Variants in HSD17B4 observed in about 807,000 individuals in gnomAD.
HSD17B4 encodes peroxisomal multifunctional enzyme type 2.
A neutral mutation model predicts 101.0 loss-of-function variants in HSD17B4; 70 were observed. The observed-to-expected ratio is 0.69, with a 90% CI of 0.57 to 0.85. The LOEUF (loss-of-function observed/expected upper bound fraction) is 0.85. HSD17B4 is among the 40% of genes least tolerant of loss of function. The pLI is 0.00. For missense variants in HSD17B4, 984 were observed against 892.4 expected (o/e 1.10, Z -1.31); for synonymous variants, 347 against 297.1 (o/e 1.17, Z -1.73).
At chr5:119,490,349 A>G (rs1749991369) in intron 9 of HSD17B4, among the ~76,000 whole-genome samples, 1 of 152,158 alleles carries the variant, frequency 6.6e-6, no homozygotes, top group Non-Finnish European at 1.5e-5. Flanking sequence ...CTTTTACCTC[A>G]TTAAGGAATT....
intron 2 of HSD17B4, among the ~76,000 whole-genome samples, chr5:119,470,734 G>A (rs902072241): frequency 1.3e-5 from 2 of 152,202 alleles, no homozygotes; most frequent in African/African-American, 4.8e-5. Context: ...TCTACCTGAA[G>A]TGCTGTTATT....
Position 119,462,248 on chromosome 5 carries a change from ATTTTTTTTTTTTTTTTTTT to A in HSD17B4, c.112+5897_112+5915del, listed in dbSNP as rs10524491. ...TTCATATCCTCCCCCAACAAATGTG[ATTTTTTTTTTTTTTTTTTT>A]TTTTTTTTTTTTTTTTGCTTAGTGG... On this transcript the variant is annotated intron_variant, in intron 2 of 23. Transcript: ENST00000510025. Among the ~76,000 whole-genome samples, 130 of 30,064 alleles carry A rather than the reference ATTTTTTTTTTTTTTTTTTT, an allele frequency of 4.3e-3. 1 individual carries two copies. Among genetic ancestry groups the A allele is most frequent in the African/African-American group, 0.01 (108 of 10,384 alleles). 19.7% of individuals were successfully genotyped at this position (30,064 alleles called of 152,430 possible).
At chr5:119,500,385 A>G (rs1751049248) in intron 13 of HSD17B4, among the ~76,000 whole-genome samples, 1 of 152,112 alleles carries the variant, frequency 6.6e-6, no homozygotes. Context: ...ACACATATCT[A>G]TATGTAATGT....
intron 13 of HSD17B4, among the ~76,000 whole-genome samples, chr5:119,501,642 G>A (rs1751174643): frequency 6.6e-6 from 1 of 152,044 alleles, no homozygotes; most frequent in African/African-American, 2.4e-5. Context: ...TGGTATATGT[G>A]ACCTGAAATT....
intron 8 of HSD17B4, among the ~76,000 whole-genome samples, chr5:119,484,760 G>T (rs899859454): frequency 3.3e-5 from 5 of 152,056 alleles, no homozygotes; most frequent in Admixed American, 2.0e-4. Context: ...GCAGTACTTT[G>T]CAGTCTTTGC....
At chr5:119,494,325 T>TTTTCTTTG in intron 11 of HSD17B4, among the ~76,000 whole-genome samples, 1 of 111,614 alleles carries the variant, frequency 9.0e-6, no homozygotes, top group African/African-American at 3.4e-5. Flanking sequence ...TCTTTCTTTC[T>TTTTCTTTG]TTTCTTTCTT....
At position 119,456,282 on chromosome 5, in the gene HSD17B4, C is replaced by G. The variant is rs2678083; in HGVS notation, c.59-33C>G. The G allele has an allele frequency of 4.0e-3, 6,127 of 1,539,968 alleles. 190 individuals carry two copies. The African/African-American group carries it at 0.073, about 18-fold the overall frequency. On this transcript the variant is annotated intron_variant, in intron 1 of 23. Coordinates refer to ENST00000510025, the MANE Select transcript of HSD17B4 (RefSeq NM_000414.4). ...GACCAAAAAAATTATGCTGACATTT[C>G]TTCAACTTTCTGATTATTTTGTTTT...
intron 16 of HSD17B4, among the ~76,000 whole-genome samples, chr5:119,511,439 C>T (rs555507753): frequency 2.1e-4 from 32 of 152,234 alleles, no homozygotes; most frequent in Non-Finnish European, 3.7e-4. Flanking sequence ...CTGGCCTCAA[C>T]GACTACCCTT....
chr5:119,532,861 AAC>A (rs966064432), intron 22 of HSD17B4, among the ~76,000 whole-genome samples: 2 of 152,078 alleles, frequency 1.3e-5, no homozygotes, highest in South Asian at 2.1e-4. Context: ...TCTAAAAATA[AAC>A]AGTTTTTTTT....
chr5:119,475,478 T>C (rs1477971705), intron 4 of HSD17B4, among the ~76,000 whole-genome samples: 1 of 152,148 alleles, frequency 6.6e-6, no homozygotes, highest in African/African-American at 2.4e-5. Context: ...GGAAAATTTA[T>C]AGATGTTAGT....
At chr5:119,505,709 T>A (rs1471661710) in intron 14 of HSD17B4, among the ~76,000 whole-genome samples, 1 of 152,132 alleles carries the variant, frequency 6.6e-6, no homozygotes, top group Non-Finnish European at 1.5e-5. Context: ...TAATTTGACT[T>A]CTTTTCCTGT....
chr5:119,477,373 T>C (rs750908147), intron 6 of HSD17B4, 44 bp from the exon 7 acceptor site: 6 of 1,336,588 alleles, frequency 4.5e-6, no homozygotes, highest in Admixed American at 1.8e-5. Context: ...TAGACATGCC[T>C]AAGTTTTTAC....
At chr5:119,512,829 G>A (rs553692011) in intron 16 of HSD17B4, among the ~76,000 whole-genome samples, 1 of 152,310 alleles carries the variant, frequency 6.6e-6, no homozygotes, top group East Asian at 1.9e-4. Context: ...GGAGGAGAAA[G>A]GAGACAAGGG....
At chr5:119,499,958 G>T in intron 13 of HSD17B4, among the ~76,000 whole-genome samples, 1 of 152,152 alleles carries the variant, frequency 6.6e-6, no homozygotes, top group East Asian at 1.9e-4. Flanking sequence ...GCACATACTT[G>T]ACTTGTTTTT....
chr5:119,523,571 T>C (rs547096282), intron 17 of HSD17B4, among the ~76,000 whole-genome samples: 1 of 152,256 alleles, frequency 6.6e-6, no homozygotes, highest in African/African-American at 2.4e-5. Flanking sequence ...AACTCTGTTA[T>C]CTATAGAAAG....
At chr5:119,494,380 TC>T (rs1750436369) in intron 11 of HSD17B4, among the ~76,000 whole-genome samples, 1 of 148,644 alleles carries the variant, frequency 6.7e-6, no homozygotes, top group Non-Finnish European at 1.5e-5. Flanking sequence ...TTTCTTTCTT[TC>T]TTTCTTTCTC....
chr5:119,485,336 C>T (rs894201081), intron 8 of HSD17B4, among the ~76,000 whole-genome samples: 11 of 152,104 alleles, frequency 7.2e-5, no homozygotes, highest in African/African-American at 2.7e-4. Flanking sequence ...CCACTAAAGG[C>T]ATTAGGTAAA....
At chr5:119,503,469 A>T (rs1387746965) in intron 14 of HSD17B4, among the ~76,000 whole-genome samples, 2 of 152,104 alleles carry the variant, frequency 1.3e-5, no homozygotes, top group Non-Finnish European at 2.9e-5. Context: ...TGTGTAGTAA[A>T]TGTGAATGTT....
At position 119,531,342 on chromosome 5, in the gene HSD17B4, A is replaced by T; in HGVS notation, c.1931A>T (p.Lys644Met). The change falls in exon 22 of 24, where the codon AAG (lysine) becomes ATG (methionine). Residue 644 changes from lysine (K) to methionine (M), a missense_variant. Transcript: ENST00000510025. ...AAGGATATTGGGCCTGAGGTGGTGAAGAAAGTAAATGCTGTATTTGAGTGG... is the reference window on the plus strand; with the variant it reads ...AAGGATATTGGGCCTGAGGTGGTGATGAAAGTAAATGCTGTATTTGAGTGG... Reference protein sequence around the residue: ...RLKDIGPEVVKKVNAVFEWHI... With the variant: ...RLKDIGPEVVMKVNAVFEWHI... 6.2e-7 allele frequency: 1 copy of T among 1,613,728 alleles called. No homozygotes were observed. Among genetic ancestry groups the T allele is most frequent in the South Asian group, 1.1e-5 (1 of 91,078 alleles).
Sources: allele counts gnomAD v4.1 joint callset (sites outside exome capture counted in the v4.1 genomes callset), GRCh38; gene constraint gnomAD v4.1.1; transcripts MANE v1.5; gene names NCBI Gene and HGNC (gene_info 2026-07-23, HGNC 2026-07-21).